The following MED13 variants were observed in gnomAD, a reference collection of about 807,000 sequenced individuals.
The protein encoded by MED13 is mediator of RNA polymerase II transcription subunit 13.
A neutral mutation model predicts 225.2 loss-of-function variants in MED13; 23 were observed. The observed-to-expected ratio is 0.10, with a 90% CI of 0.07 to 0.14. The LOEUF (loss-of-function observed/expected upper bound fraction) is 0.14, where lower values mean the gene tolerates loss of function less well. Among genes scored for constraint, MED13 ranks in the 10% least tolerant of loss-of-function variants. The pLI is 1.00. For synonymous variants in MED13, 942 were observed against 889.2 expected (o/e 1.06, Z -1.06); for missense variants, 2,197 against 2,594.5 (o/e 0.85, Z 3.33).
chr17:62,041,709 G>C (rs1007716621), intron 3 of MED13, among the ~76,000 whole-genome samples: 2 of 152,030 alleles, frequency 1.3e-5, no homozygotes, highest in African/African-American at 4.8e-5. Context: ...ACGAAGTTAG[G>C]TGGGACTACA....
chr17:62,033,980 G>C lies in MED13; in HGVS notation c.621C>G (p.Ile207Met). 1 of 1,613,550 alleles carries C rather than the reference G, an allele frequency of 6.2e-7. No homozygotes were observed. The highest frequency in any genetic ancestry group is 8.5e-7 in the Non-Finnish European group (1 of 1,179,774). The part of the protein sequence containing the change: ...AQQSNSPFQV[I>M]LCPFGLNGTL... Reference sequence around the variant, plus strand: ...TGCCATTTAGTCCAAATGGGCATAAGATAACTAGAAACCCAAAGCAGACAT... The same window carrying C: ...TGCCATTTAGTCCAAATGGGCATAACATAACTAGAAACCCAAAGCAGACAT... The change falls in exon 5 of 30, where the codon ATC becomes ATG. Residue 207 changes from isoleucine to methionine, a missense_variant. Transcript: ENST00000397786.
chr17:62,020,242 T>A (rs1014575107), intron 8 of MED13, among the ~76,000 whole-genome samples: 9 of 151,196 alleles, frequency 6.0e-5, no homozygotes, highest in African/African-American at 1.9e-4. Flanking sequence ...TTTTTTTTTT[T>A]ATGAAGATTA....
intron 17 of MED13, 110 bp from the exon 18 acceptor site, chr17:61,968,368 C>CA: frequency 1.2e-6 from 1 of 804,750 alleles, no homozygotes; most frequent in Non-Finnish European, 1.8e-6. Flanking sequence ...CTCTGTCGCC[C>CA]AGACTGGAGT....
chr17:62,047,606 T>C (rs1031501531), intron 3 of MED13, among the ~76,000 whole-genome samples: 3 of 151,994 alleles, frequency 2.0e-5, no homozygotes, highest in Admixed American at 2.0e-4. Context: ...CTAATGCATA[T>C]GGGGCTTAAA....
rs1567949265 is a variant in MED13 at position 61,968,263 on chromosome 17, A to G, written c.3968-5T>C. The G allele has an allele frequency of 2.5e-6, 4 of 1,588,118 alleles. No individual in the cohort carries two copies. The highest frequency in any genetic ancestry group is 1.3e-5 in the African/African-American group (1 of 74,100). On this transcript the variant is annotated splice_polypyrimidine_tract_variant and splice_region_variant and intron_variant, in intron 17 of 29. Coordinates refer to ENST00000397786, the MANE Select transcript of MED13 (RefSeq NM_005121.3). ...GTTCTGGGGATTCATCAGTTCCTAA[A>G]TAAGAAAGATGTATTTTAAGAAAAC...
chr17:61,954,024 T>C (rs138523265), intron 26 of MED13, among the ~76,000 whole-genome samples: 9 of 152,314 alleles, frequency 5.9e-5, no homozygotes, highest in Admixed American at 2.6e-4. Context: ...CAAGGTACTA[T>C]AATAAAAGGT....
intron 16 of MED13, among the ~76,000 whole-genome samples, chr17:61,978,300 G>A (rs1052351674): frequency 1.3e-5 from 2 of 152,080 alleles, no homozygotes; most frequent in Non-Finnish European, 2.9e-5. Flanking sequence ...GCCTGGGCTG[G>A]AGTACAATGG....
rs766909961 is a variant in MED13, at chr17:62,008,317, C to CAAAAAAAAAAAAAA, written c.1967+2219_1967+2232dup. Among the ~76,000 whole-genome samples, 72 of 33,202 alleles carry CAAAAAAAAAAAAAA rather than the reference C, an allele frequency of 2.2e-3. 9 individuals carry two copies. Among genetic ancestry groups the CAAAAAAAAAAAAAA allele is most frequent in the South Asian group, 7.2e-3 (5 of 692 alleles). The allele number at this position is 33,202 out of a possible 152,430, so 21.8% of individuals were successfully genotyped here. A position where few individuals can be genotyped will look rare whatever the true frequency, so the allele number is the denominator to read the frequency against. On this transcript the variant is annotated intron_variant, in intron 9 of 29. Transcript: ENST00000397786. ...TGGGCCACAGAGCGAGGCTCTGTCT[C>CAAAAAAAAAAAAAA]AAAAAAAAAAAAAAAAAAAAAAAAA...
intron 12 of MED13, 101 bp from the exon 13 acceptor site, chr17:61,985,191 AAAG>A (rs2080237468): frequency 1.0e-6 from 1 of 959,888 alleles, no homozygotes; most frequent in South Asian, 1.6e-5. Context: ...CCATTCATTA[AAAG>A]TAGTATTTTG....
chr17:62,020,505 T>C (rs1020563132), intron 8 of MED13, among the ~76,000 whole-genome samples: 1 of 152,086 alleles, frequency 6.6e-6, no homozygotes, highest in South Asian at 2.1e-4. Context: ...GCCTCCCAAG[T>C]AGCTGGGACT....
chr17:61,961,810 T>G, intron 21 of MED13, 31 bp from the exon 22 acceptor site: 1 of 1,588,290 alleles, frequency 6.3e-7, no homozygotes, highest in Non-Finnish European at 8.6e-7. Context: ...TTACAAATGT[T>G]AAACTTCCAA....
intron 8 of MED13, among the ~76,000 whole-genome samples, chr17:62,015,934 ATATATATATATATATATATATTTTTTTTT>A (rs2080567607): frequency 1.1e-4 from 1 of 8,838 alleles, no homozygotes; most frequent in African/African-American, 2.8e-4. Context: ...ATATATATAT[ATATATATATATATATATATATTTTTTTTT>A]TTTTTTTTTT....
chr17:62,063,027 G>A, intron 2 of MED13, 40 bp downstream of exon 2: 1 of 1,443,986 alleles, frequency 6.9e-7, no homozygotes, highest in East Asian at 2.3e-5. Flanking sequence ...AGTATACAAT[G>A]TTGCTATATC....
intron 2 of MED13, among the ~76,000 whole-genome samples, chr17:62,060,704 CTATT>C (rs1568009087): frequency 6.7e-6 from 1 of 150,154 alleles, no homozygotes; most frequent in East Asian, 2.0e-4. Context: ...AGATCACTAT[CTATT>C]TTTTTTTTTG....
At chr17:62,060,838 T>C (rs2081033625) in intron 2 of MED13, among the ~76,000 whole-genome samples, 1 of 151,908 alleles carries the variant, frequency 6.6e-6, no homozygotes, top group Admixed American at 6.6e-5. Context: ...TAGCTGGAAC[T>C]ACAGGTGCGT....
Position 61,944,479 on chromosome 17 carries a change from A to G in MED13, c.*1989T>C, listed in dbSNP as rs1013599295. On this transcript the variant is annotated 3_prime_UTR_variant, in exon 30 of 30. Transcript: ENST00000397786. ...TGCAGAGAGGTGATCTTTAAATTTAATATCAAAATATGCTGACCATTAGAA... is the reference window on the plus strand; with the variant it reads ...TGCAGAGAGGTGATCTTTAAATTTAGTATCAAAATATGCTGACCATTAGAA... 2 of 152,046 alleles carry G rather than the reference A, an allele frequency of 1.3e-5. No individual in the cohort carries two copies. The highest frequency in any genetic ancestry group is 2.9e-5 in the Non-Finnish European group (2 of 67,998). 9.4% of individuals were successfully genotyped at this position (152,046 alleles called of 1,614,324 possible). A position where few individuals can be genotyped will look rare whatever the true frequency, so the allele number is the denominator to read the frequency against.
chr17:62,064,040 A>G (rs564552034), intron 1 of MED13, among the ~76,000 whole-genome samples: 2 of 152,380 alleles, frequency 1.3e-5, no homozygotes, highest in East Asian at 3.9e-4. Context: ...AGAGGAATTC[A>G]GTAATTTAAT....
At chr17:62,062,830 T>C (rs897169712) in intron 2 of MED13, among the ~76,000 whole-genome samples, 2 of 152,122 alleles carry the variant, frequency 1.3e-5, no homozygotes, top group Non-Finnish European at 2.9e-5. Flanking sequence ...TGTGAGAAAT[T>C]AAGAAGAGAG....
At chr17:62,030,052 AG>A in intron 6 of MED13, 39 bp from the exon 7 acceptor site, 2 of 1,434,916 alleles carry the variant, frequency 1.4e-6, no homozygotes, top group Non-Finnish European at 9.2e-7. Context: ...AGGAGAATAA[AG>A]GTAGGTTTAA....
Sources: allele counts gnomAD v4.1 joint callset (sites outside exome capture counted in the v4.1 genomes callset), GRCh38; gene constraint gnomAD v4.1.1; transcripts MANE v1.5; gene names NCBI Gene and HGNC (gene_info 2026-07-23, HGNC 2026-07-21).